MDN1: variants seen among roughly 807,000 people sequenced by gnomAD.
MDN1 encodes midasin.
MDN1 carries 266 observed loss-of-function variants against 669.2 expected under a neutral mutation model. The ratio of observed to expected loss-of-function variants is 0.40; its 90% confidence interval spans 0.36 to 0.44. The LOEUF is 0.44. Among genes scored for constraint, MDN1 ranks in the 20% least tolerant of loss-of-function variants. The pLI is 1.00. For missense variants in MDN1, 5,940 were observed against 6,754.0 expected, an observed-to-expected ratio of 0.88 and a Z score of 4.22; for synonymous variants, 2,385 against 2,457.1, an observed-to-expected ratio of 0.97 and a Z score of 0.87.
intron 15 of MDN1, among the ~76,000 whole-genome samples, chr6:89,765,111 A>G (rs544535883): frequency 1.3e-4 from 20 of 152,292 alleles, no homozygotes; most frequent in African/African-American, 4.3e-4. Flanking sequence ...AAAAAAAATT[A>G]GCCAGGCATA....
intron 82 of MDN1, among the ~76,000 whole-genome samples, chr6:89,671,887 G>A (rs1185145024): frequency 1.3e-5 from 2 of 152,234 alleles, no homozygotes; most frequent in Admixed American, 6.5e-5. Flanking sequence ...CTAAGCCTCA[G>A]TTGATAACAT....
At chr6:89,699,555 C>T (rs76372913) in intron 58 of MDN1, 46 bp downstream of exon 58, 2 of 1,549,236 alleles carry the variant, frequency 1.3e-6, no homozygotes, top group African/African-American at 1.4e-5. Context: ...GAAAATCTAA[C>T]CAACTCATAA....
At chr6:89,793,011 CAA>C (rs1433493444) in intron 5 of MDN1, among the ~76,000 whole-genome samples, 1 of 152,090 alleles carries the variant, frequency 6.6e-6, no homozygotes, top group Non-Finnish European at 1.5e-5. Flanking sequence ...GACCATCAGA[CAA>C]AGTGACAACT....
At position 89,714,557 on chromosome 6, in the gene MDN1, C is replaced by A; in HGVS notation, c.7055G>T (p.Arg2352Leu). Residue 2352 changes from arginine to leucine, a missense_variant, in exon 46 of 102, where the codon CGG (arginine) becomes CTG (leucine). This residue lies in a region of MDN1 where 2,292 missense variants were observed against 2,638.3 expected (regional missense o/e 0.87). Coordinates refer to ENST00000369393, the MANE Select transcript of MDN1 (RefSeq NM_014611.3). ...AAGCACCTCACCTACAACAGTGCTC[C>A]GGGTCTCTGTGTGTAAAGCCAAGAG... The part of the protein sequence containing the change: ...DILLALHTET[R>L]STVVGSPTSS... The A allele has an allele frequency of 6.2e-7, 1 of 1,608,236 alleles. No individual in the cohort carries two copies. Among genetic ancestry groups the A allele is most frequent in the Non-Finnish European group, 8.5e-7 (1 of 1,177,010 alleles).
At chr6:89,780,182 G>T in intron 11 of MDN1, 30 bp downstream of exon 11, 3 of 1,331,390 alleles carry the variant, frequency 2.3e-6, no homozygotes, top group South Asian at 1.5e-5. Flanking sequence ...ACAGAACCAA[G>T]ACAAAAAAGA....
chr6:89,811,439 T>C (rs1768407695), intron 1 of MDN1, among the ~76,000 whole-genome samples: 1 of 151,982 alleles, frequency 6.6e-6, no homozygotes, highest in Non-Finnish European at 1.5e-5. Context: ...ATTTACTTCT[T>C]TTTATTTTTT....
intron 22 of MDN1, 105 bp downstream of exon 22, chr6:89,753,407 C>G (rs951672332): frequency 1.9e-4 from 157 of 842,250 alleles, no homozygotes; most frequent in Non-Finnish European, 2.7e-4. Context: ...CAACAGATTA[C>G]CTTTATAATT....
chr6:89,744,122 A>AAC (rs1554190574), intron 29 of MDN1, among the ~76,000 whole-genome samples: 15,642 of 122,556 alleles, frequency 0.13, 2,060 homozygotes, highest in South Asian at 0.19. Flanking sequence ...AAAAAAAAAA[A>AAC]AAAAAAAAAC....
At chr6:89,780,641 C>CA (rs754563888) in intron 10 of MDN1, among the ~76,000 whole-genome samples, 3 of 131,214 alleles carry the variant, frequency 2.3e-5, no homozygotes, top group Non-Finnish European at 4.8e-5. Context: ...ATGCCATTTC[C>CA]TTTTTTTTTT....
chr6:89,735,744 A>G (rs1815930077), intron 33 of MDN1, among the ~76,000 whole-genome samples: 2 of 152,166 alleles, frequency 1.3e-5, no homozygotes, highest in African/African-American at 4.8e-5. Context: ...AAATTCGGCC[A>G]GGCATGGTGG....
At chr6:89,775,715 TG>T (rs1274813645) in intron 12 of MDN1, among the ~76,000 whole-genome samples, 1 of 152,206 alleles carries the variant, frequency 6.6e-6, no homozygotes, top group Non-Finnish European at 1.5e-5. Context: ...AGAAAGAGTC[TG>T]GATCTGTCGC....
At chr6:89,751,150 C>A (rs1186570061) in intron 23 of MDN1, among the ~76,000 whole-genome samples, 1 of 152,076 alleles carries the variant, frequency 6.6e-6, no homozygotes, top group East Asian at 1.9e-4. Flanking sequence ...GAACTTTTAG[C>A]CATTTACTGA....
At chr6:89,781,697 T>A in intron 9 of MDN1, 105 bp from the exon 10 acceptor site, 1 of 1,013,758 alleles carries the variant, frequency 9.9e-7, no homozygotes, top group Non-Finnish European at 1.4e-6. Context: ...TATTTCTCTA[T>A]GAAATTTGTT....
intron 51 of MDN1, among the ~76,000 whole-genome samples, chr6:89,708,069 A>T (rs1399351540): frequency 6.6e-6 from 1 of 152,162 alleles, no homozygotes; most frequent in Non-Finnish European, 1.5e-5. Flanking sequence ...TGGGAGAATG[A>T]GGCAGGTGGA....
At chr6:89,713,040 T>C in intron 47 of MDN1, 108 bp downstream of exon 47, 1 of 1,212,652 alleles carries the variant, frequency 8.2e-7, no homozygotes, top group Non-Finnish European at 1.1e-6. Flanking sequence ...CAAACTGCAG[T>C]GGTCAACTCT....
At chr6:89,721,991 C>A (rs904751262) in intron 40 of MDN1, among the ~76,000 whole-genome samples, 5 of 152,132 alleles carry the variant, frequency 3.3e-5, no homozygotes, top group African/African-American at 1.2e-4. Context: ...AGCAGACAAA[C>A]TGGAGAGGGC....
At chr6:89,800,264 C>T (rs1483620054) in intron 2 of MDN1, among the ~76,000 whole-genome samples, 4 of 152,004 alleles carry the variant, frequency 2.6e-5, no homozygotes, top group African/African-American at 9.7e-5. Flanking sequence ...CCCGTCTCTA[C>T]TAAAAATACA....
At chr6:89,699,529 C>T in intron 58 of MDN1, 72 bp downstream of exon 58, 1 of 1,493,016 alleles carries the variant, frequency 6.7e-7, no homozygotes, top group South Asian at 1.4e-5. Flanking sequence ...AAATGTTTCC[C>T]AACCAGTCTG....
chr6:89,735,890 CAT>C (rs1815941217), intron 33 of MDN1, among the ~76,000 whole-genome samples: 1 of 152,066 alleles, frequency 6.6e-6, no homozygotes, highest in Non-Finnish European at 1.5e-5. Context: ...CGTTGTGGCA[CAT>C]GCCTGTAGTC....
Sources: allele counts gnomAD v4.1 joint callset (sites outside exome capture counted in the v4.1 genomes callset), GRCh38; gene constraint gnomAD v4.1.1; regional missense constraint gnomAD v4.1.1; transcripts MANE v1.5; gene names NCBI Gene and HGNC (gene_info 2026-07-23, HGNC 2026-07-21).